ANOS1: variants seen among roughly 807,000 people sequenced by gnomAD.
The protein encoded by ANOS1 is anosmin 1, also known as anosmin-1.
Under a neutral mutation model 59.0 loss-of-function variants are expected in ANOS1, and 6 were observed. The observed-to-expected ratio is 0.10, with a 90% CI of 0.06 to 0.20. The LOEUF (loss-of-function observed/expected upper bound fraction) is 0.20. ANOS1 is among the 10% of genes least tolerant of loss of function. The pLI is 1.00. For synonymous variants in ANOS1, 217 were observed against 223.4 expected, an observed-to-expected ratio of 0.97 and a Z score of 0.25; for missense variants, 433 against 542.3, an observed-to-expected ratio of 0.80 and a Z score of 2.00.
At chrX:8,647,493 C>T (rs1426417387) in intron 2 of ANOS1, among the ~76,000 whole-genome samples, 2 of 111,509 alleles carry the variant, frequency 1.8e-5, no homozygotes, top group African/African-American at 6.5e-5. Context: ...TCACTGTCAC[C>T]GCAATTCAAA....
Position 8,661,510 on chromosome X carries a change from C to T in ANOS1, c.256-37840G>A, listed in dbSNP as rs73465362. On this transcript the variant is annotated intron_variant, in intron 2 of 13. Transcript: ENST00000262648. ...CCTTTAAAGACCCTAACTCCAAATA[C>T]AGTCACATTCTGAGCAACTGGGGGT... Among the ~76,000 whole-genome samples the T allele has an allele frequency of 9.2e-4, 103 of 112,208 alleles. 1 individual carries two copies. Among genetic ancestry groups the T allele is most frequent in the African/African-American group, 3.2e-3 (98 of 30,876 alleles).
chrX:8,550,933 G>C (rs1287499831), intron 9 of ANOS1, among the ~76,000 whole-genome samples: 1 of 111,767 alleles, frequency 8.9e-6, no homozygotes, highest in Admixed American at 9.5e-5. Flanking sequence ...GAGGAACCTG[G>C]TGGGAGGTAA....
At chrX:8,644,470 A>T (rs1228951590) in intron 2 of ANOS1, among the ~76,000 whole-genome samples, 6 of 110,413 alleles carry the variant, frequency 5.4e-5, no homozygotes, top group Non-Finnish European at 7.6e-5. Context: ...CATGACAGAT[A>T]GCAGGCCCTG....
At position 8,569,515 on chromosome X, in the gene ANOS1, G is replaced by A. The variant is rs185776707; in HGVS notation, c.1062+984C>T. Among the ~76,000 whole-genome samples, 373 of 111,436 alleles carry A rather than the reference G, an allele frequency of 3.3e-3. 4 individuals carry two copies. Among genetic ancestry groups the A allele is most frequent in the African/African-American group, 0.011 (346 of 30,652 alleles). Reference sequence around the variant, plus strand: ...AAATTAGCTGGGTGTGGTGGCGGGCGCCTGTAGTCCCAGCTACTCGGGAGG... The same window carrying A: ...AAATTAGCTGGGTGTGGTGGCGGGCACCTGTAGTCCCAGCTACTCGGGAGG... On this transcript the variant is annotated intron_variant, in intron 7 of 13. Transcript: ENST00000262648.
chrX:8,619,376 C>T (rs781172629), intron 3 of ANOS1, among the ~76,000 whole-genome samples: 186 of 111,477 alleles, frequency 1.7e-3, no homozygotes, highest in Non-Finnish European at 2.0e-3. Context: ...GAGGCCAAGG[C>T]GGGCGGATCA....
chrX:8,696,155 T>C (rs1168370496), intron 2 of ANOS1, among the ~76,000 whole-genome samples: 3 of 112,084 alleles, frequency 2.7e-5, no homozygotes, highest in Non-Finnish European at 5.6e-5. Context: ...CTGGACTCCA[T>C]CCTCAAAAGT....
chrX:8,536,434 T>C (rs1011733041), intron 11 of ANOS1, among the ~76,000 whole-genome samples: 3 of 110,193 alleles, frequency 2.7e-5, no homozygotes, highest in African/African-American at 9.9e-5. Flanking sequence ...CAGGTTGGCA[T>C]GGAAAGTGTG....
Position 8,529,594 on chromosome X carries a change from A to G in ANOS1, c.*3401T>C, listed in dbSNP as rs192871743. ...GAGTCAAAATTCCGTCTTTTAATCA[A>G]GTTGTTTAGTGGACATAAAAAACAC... On this transcript the variant is annotated 3_prime_UTR_variant, in exon 14 of 14. Coordinates refer to ENST00000262648, the MANE Select transcript of ANOS1 (RefSeq NM_000216.4). The G allele has an allele frequency of 5.1e-4, 57 of 112,225 alleles. No individual in the cohort carries two copies. The highest frequency in any genetic ancestry group is 1.6e-3 in the African/African-American group (50 of 30,946). 9.2% of individuals were successfully genotyped at this position (112,225 alleles called of 1,213,427 possible).
intron 8 of ANOS1, among the ~76,000 whole-genome samples, chrX:8,555,254 C>T (rs1349039473): frequency 1.8e-5 from 2 of 111,396 alleles, no homozygotes; most frequent in East Asian, 2.8e-4. Flanking sequence ...ATTTATAGCA[C>T]GAAATGCCCA....
At chrX:8,548,177 T>G (rs1334469270) in intron 9 of ANOS1, among the ~76,000 whole-genome samples, 1 of 112,465 alleles carries the variant, frequency 8.9e-6, no homozygotes, top group Non-Finnish European at 1.9e-5. Flanking sequence ...TCCCGTTCTT[T>G]TTTTTCTATA....
At chrX:8,718,262 C>T (rs1932853101) in intron 1 of ANOS1, among the ~76,000 whole-genome samples, 1 of 110,149 alleles carries the variant, frequency 9.1e-6, no homozygotes, top group Non-Finnish European at 1.9e-5. Flanking sequence ...AGTGGTGCCA[C>T]TGGAGCTCAT....
intron 5 of ANOS1, 139 bp from the exon 6 acceptor site, chrX:8,585,535 A>C: frequency 1.6e-6 from 1 of 632,769 alleles, no homozygotes; most frequent in South Asian, 2.4e-5. Context: ...GGGGCTTATC[A>C]TGCCCAGTTA....
intron 1 of ANOS1, among the ~76,000 whole-genome samples, chrX:8,711,355 G>T (rs1297466189): frequency 8.9e-6 from 1 of 112,606 alleles, no homozygotes; most frequent in Non-Finnish European, 1.9e-5. Flanking sequence ...GCTAAAAAAT[G>T]TATGAACTAT....
intron 6 of ANOS1, among the ~76,000 whole-genome samples, chrX:8,581,206 G>A (rs1193397869): frequency 9.0e-6 from 1 of 110,945 alleles, no homozygotes; most frequent in Non-Finnish European, 1.9e-5. Context: ...GAATCATGGG[G>A]GCAGGTCTTT....
chrX:8,636,039 G>A lies in ANOS1; in HGVS notation c.256-12369C>T, dbSNP rs143139556. On this transcript the variant is annotated intron_variant, in intron 2 of 13. Transcript: ENST00000262648. ...TGAAGGTCAGAATTGAATCTGCACA[G>A]CATGATTCTGACATCACTGTGCTGC... 3.7e-3 allele frequency among the ~76,000 whole-genome samples: 408 copies of A among 111,675 alleles called. 2 individuals carry two copies. The highest frequency in any genetic ancestry group is 6.0e-3 in the Non-Finnish European group (316 of 53,063).
At chrX:8,538,858 G>T (rs1186070699) in intron 10 of ANOS1, among the ~76,000 whole-genome samples, 3 of 111,783 alleles carry the variant, frequency 2.7e-5, no homozygotes, top group African/African-American at 6.5e-5. Flanking sequence ...TATGCCAGCA[G>T]GTATGGTTCT....
At chrX:8,554,376 C>T (rs900339931) in intron 8 of ANOS1, among the ~76,000 whole-genome samples, 7 of 110,454 alleles carry the variant, frequency 6.3e-5, no homozygotes, top group African/African-American at 2.0e-4. Context: ...CCAAGGGAAG[C>T]CGTGAGTGAG....
chrX:8,631,927 T>C (rs1016048570), intron 2 of ANOS1, among the ~76,000 whole-genome samples: 1 of 112,214 alleles, frequency 8.9e-6, no homozygotes, highest in Admixed American at 9.5e-5. Context: ...TTAGAGGATG[T>C]AAGCATTTGG....
chrX:8,619,070 C>CAAAAAAAAAAAAAAAAAAAAAA lies in ANOS1; in HGVS notation c.318+4516_318+4537dup, dbSNP rs1164164251. 1.1e-4 allele frequency among the ~76,000 whole-genome samples: 5 copies of CAAAAAAAAAAAAAAAAAAAAAA among 43,974 alleles called. 1 individual carries two copies. Among genetic ancestry groups the CAAAAAAAAAAAAAAAAAAAAAA allele is most frequent in the Non-Finnish European group, 1.2e-4 (3 of 25,233 alleles). 38.2% of individuals were successfully genotyped at this position (43,974 alleles called of 115,157 possible). On this transcript the variant is annotated intron_variant, in intron 3 of 13. Coordinates refer to ENST00000262648, the MANE Select transcript of ANOS1 (RefSeq NM_000216.4). ...CCTGGGCGACAGAGCAAACCTCTCT[C>CAAAAAAAAAAAAAAAAAAAAAA]AAAAAAAAAAAAAAAAAAAAAAAAA...
Sources: gnomAD v4.1 joint callset for allele counts (sites outside exome capture counted in the v4.1 genomes callset) on GRCh38, gnomAD v4.1.1 for gene constraint, MANE v1.5 for transcripts, NCBI Gene and HGNC (gene_info 2026-07-23, HGNC 2026-07-21) for gene names.